The following MAGI1 variants were observed in gnomAD, a reference collection of about 807,000 sequenced individuals.
MAGI1 encodes the protein membrane-associated guanylate kinase, WW and PDZ domain-containing protein 1.
A neutral mutation model predicts 139.9 loss-of-function variants in MAGI1; 58 were observed. That is an observed-to-expected ratio of 0.41 (90% CI 0.34 to 0.52). The LOEUF (loss-of-function observed/expected upper bound fraction) is 0.52, where lower values mean the gene tolerates loss of function less well. MAGI1 is among the 20% of genes least tolerant of loss of function. The pLI is 0.12. For missense variants in MAGI1, 1,874 were observed against 1,901.6 expected, an observed-to-expected ratio of 0.99 and a Z score of 0.27; for synonymous variants, 812 against 737.9, an observed-to-expected ratio of 1.10 and a Z score of -1.63.
chr3:65,566,021 T>G (rs9845257), intron 2 of MAGI1, among the ~76,000 whole-genome samples: 3 of 151,742 alleles, frequency 2.0e-5, no homozygotes, highest in Non-Finnish European at 4.4e-5. Flanking sequence ...TTTGGGAGGC[T>G]GAGGCGGGCG....
At position 65,657,426 on chromosome 3, in the gene MAGI1, T is replaced by A. The variant is rs1432139382; in HGVS notation, c.314-35338A>T. 2.5e-5 allele frequency among the ~76,000 whole-genome samples: 3 copies of A among 122,250 alleles called. No individual in the cohort carries two copies. In the South Asian group the frequency reaches 1.1e-3, roughly 45 times the overall value. 80.2% of individuals were successfully genotyped at this position (122,250 alleles called of 152,430 possible). ...CCTGGGCAAAACAGTGAGACCCCCA[T>A]CTCTATCAAAAAAAAAAAAAAAACA... On this transcript the variant is annotated intron_variant, in intron 1 of 22. Coordinates refer to ENST00000402939, the MANE Select transcript of MAGI1 (RefSeq NM_001033057.2).
chr3:65,509,603 A>C (rs1057500259), intron 2 of MAGI1, among the ~76,000 whole-genome samples: 1 of 152,234 alleles, frequency 6.6e-6, no homozygotes, highest in African/African-American at 2.4e-5. Flanking sequence ...AGACCGGCTT[A>C]AAAAAGGCGA....
chr3:65,959,440 T>G (rs546146809), intron 1 of MAGI1, among the ~76,000 whole-genome samples: 1 of 152,102 alleles, frequency 6.6e-6, no homozygotes, highest in African/African-American at 2.4e-5. Flanking sequence ...AAGTGAGTGA[T>G]GCTCTTTTTG....
At chr3:65,641,979 C>T (rs1215333328) in intron 1 of MAGI1, among the ~76,000 whole-genome samples, 1 of 152,154 alleles carries the variant, frequency 6.6e-6, no homozygotes, top group Non-Finnish European at 1.5e-5. Flanking sequence ...TGACAAGGAA[C>T]AAGGTGAGAA....
intron 1 of MAGI1, among the ~76,000 whole-genome samples, chr3:66,034,364 CCCT>C (rs2068800822): frequency 6.6e-6 from 1 of 152,148 alleles, no homozygotes; most frequent in African/African-American, 2.4e-5. Flanking sequence ...TGTGGTATGA[CCCT>C]TGGAAAAGTT....
At chr3:65,532,587 C>G (rs1171347004) in intron 2 of MAGI1, among the ~76,000 whole-genome samples, 1 of 152,208 alleles carries the variant, frequency 6.6e-6, no homozygotes, top group African/African-American at 2.4e-5. Flanking sequence ...CTGGGTCAGA[C>G]TGGCTACAGT....
chr3:65,983,361 T>C (rs1267363283), intron 1 of MAGI1, among the ~76,000 whole-genome samples: 1 of 152,198 alleles, frequency 6.6e-6, no homozygotes, highest in African/African-American at 2.4e-5. Flanking sequence ...AGTTCTTTTA[T>C]GTGAATAATG....
chr3:65,860,569 T>G (rs1448861210), intron 1 of MAGI1, among the ~76,000 whole-genome samples: 1 of 152,138 alleles, frequency 6.6e-6, no homozygotes, highest in South Asian at 2.1e-4. Flanking sequence ...GCTGCAGGGA[T>G]CTCTAACAGG....
At chr3:65,497,986 C>T (rs1359241632) in intron 2 of MAGI1, among the ~76,000 whole-genome samples, 1 of 152,138 alleles carries the variant, frequency 6.6e-6, no homozygotes, top group Non-Finnish European at 1.5e-5. Flanking sequence ...TCCCAGCTAT[C>T]CTCTGAGCAG....
At chr3:65,869,761 A>C (rs1293157383) in intron 1 of MAGI1, among the ~76,000 whole-genome samples, 1 of 152,030 alleles carries the variant, frequency 6.6e-6, no homozygotes, top group Non-Finnish European at 1.5e-5. Context: ...CATAGTAGGT[A>C]CTCCATAAAT....
intron 1 of MAGI1, among the ~76,000 whole-genome samples, chr3:65,961,499 T>TA (rs1408710304): frequency 2.6e-5 from 4 of 152,264 alleles, no homozygotes; most frequent in East Asian, 3.9e-4. Flanking sequence ...GGAAAACATG[T>TA]AAAAACCCCC....
chr3:65,997,530 C>A (rs2066512895), intron 1 of MAGI1, among the ~76,000 whole-genome samples: 2 of 152,114 alleles, frequency 1.3e-5, no homozygotes, highest in African/African-American at 2.4e-5. Flanking sequence ...GTAGCGGGTG[C>A]CTGTAGTCCC....
intron 1 of MAGI1, among the ~76,000 whole-genome samples, chr3:65,987,509 G>A (rs1050331952): frequency 6.6e-6 from 1 of 152,144 alleles, no homozygotes; most frequent in African/African-American, 2.4e-5. Flanking sequence ...CACTTACCTT[G>A]GGTGCAAAAT....
chr3:65,798,130 C>G (rs893309179), intron 1 of MAGI1, among the ~76,000 whole-genome samples: 4 of 152,022 alleles, frequency 2.6e-5, no homozygotes, highest in African/African-American at 7.3e-5. Context: ...ATGGTGAAAC[C>G]CTGTCTCTAC....
chr3:65,924,018 G>GT (rs1183907682), intron 1 of MAGI1, among the ~76,000 whole-genome samples: 1 of 152,204 alleles, frequency 6.6e-6, no homozygotes, highest in Non-Finnish European at 1.5e-5. Context: ...AGCAGAAGCA[G>GT]TAATTTATCC....
chr3:65,482,439 G>C (rs144748664), intron 3 of MAGI1, among the ~76,000 whole-genome samples: 8 of 152,162 alleles, frequency 5.3e-5, no homozygotes, highest in African/African-American at 1.4e-4. Flanking sequence ...TGGTAACTGA[G>C]CACTAAGCAA....
chr3:65,650,852 A>C (rs1321778204), intron 1 of MAGI1, among the ~76,000 whole-genome samples: 1 of 152,228 alleles, frequency 6.6e-6, no homozygotes, highest in African/African-American at 2.4e-5. Context: ...ATAAACTACT[A>C]TACGATTCTT....
At chr3:65,548,286 G>A (rs1267401381) in intron 2 of MAGI1, among the ~76,000 whole-genome samples, 5 of 152,070 alleles carry the variant, frequency 3.3e-5, no homozygotes, top group African/African-American at 1.2e-4. Flanking sequence ...GGAGCCTTCC[G>A]CCCACAGATG....
chr3:66,026,890 T>A (rs2068296757), intron 1 of MAGI1, among the ~76,000 whole-genome samples: 1 of 151,870 alleles, frequency 6.6e-6, no homozygotes, highest in Admixed American at 6.6e-5. Flanking sequence ...CTAAGACCGG[T>A]GTCTCTACAT....
Sources: gnomAD v4.1 joint callset for allele counts (sites outside exome capture counted in the v4.1 genomes callset) on GRCh38, gnomAD v4.1.1 for gene constraint, MANE v1.5 for transcripts, NCBI Gene and HGNC (gene_info 2026-07-23, HGNC 2026-07-21) for gene names.